The following PTPN5 variants were observed in gnomAD, a reference collection of about 807,000 sequenced individuals.
The protein encoded by PTPN5 is protein tyrosine phosphatase non-receptor type 5.
Under a neutral mutation model 73.9 loss-of-function variants are expected in PTPN5, and 29 were observed. The ratio of observed to expected loss-of-function variants is 0.39; its 90% CI spans 0.29 to 0.54. PTPN5 has a LOEUF of 0.54. Among genes scored for constraint, PTPN5 ranks in the 20% least tolerant of loss-of-function variants. The pLI, the probability that PTPN5 is intolerant of heterozygous loss-of-function variation, is 0.65. For synonymous variants in PTPN5, 267 were observed against 304.7 expected, an observed-to-expected ratio of 0.88 and a Z score of 1.29; for missense variants, 652 against 751.4, an observed-to-expected ratio of 0.87 and a Z score of 1.55.
chr11:18,771,804 C>T (rs925139791), intron 2 of PTPN5, 135 bp downstream of exon 2: 20 of 741,558 alleles, frequency 2.7e-5, no homozygotes, highest in Non-Finnish European at 2.5e-5. Flanking sequence ...AGAGGGCATG[C>T]TGGTTTCATG....
At chr11:18,738,972 CAAA>C (rs375555659) in intron 8 of PTPN5, among the ~76,000 whole-genome samples, 9 of 70,048 alleles carry the variant, frequency 1.3e-4, no homozygotes, top group Admixed American at 1.6e-4. Flanking sequence ...AACCCTGTCT[CAAA>C]AAAAAAAAAA....
chr11:18,755,946 G>A (rs1212456639), intron 3 of PTPN5, among the ~76,000 whole-genome samples: 2 of 149,902 alleles, frequency 1.3e-5, no homozygotes, highest in African/African-American at 4.9e-5. Context: ...GGAGGTTGCA[G>A]TGAGCCGAGA....
Position 18,729,953 on chromosome 11 carries a change from A to G in PTPN5, c.1330-135T>C, listed in dbSNP as rs757258794. 3 of 1,201,290 alleles carry G rather than the reference A, an allele frequency of 2.5e-6. No individual in the cohort carries two copies. The highest frequency in any genetic ancestry group is 1.3e-5 in the South Asian group (1 of 74,806). 74.4% of individuals were successfully genotyped at this position (1,201,290 alleles called of 1,614,324 possible). ...GAGAGTGGGACCCCTTCACCCTTCC[A>G]TCTAGGCCACATTGCCCAGTGGCAC... On this transcript the variant is annotated intron_variant, in intron 12 of 14. Transcript: ENST00000358540. This position sits in a 1 kb window ranked among gnomAD's most constrained non-coding sequence, Gnocchi z 5.2.
At position 18,728,978 on chromosome 11, in the gene PTPN5, T is replaced by C. The variant is rs774538986; in HGVS notation, c.1654A>G (p.Met552Val). ...CEQYQFVHHV[M>V]SLYEKQLSHQ... ...GACAGCTGCTTTTCGTAGAGGCTCA[T>C]GACGTGGTGCACAAACTGGTACTGC... is the stretch of plus-strand genomic sequence containing the variant. The change falls in exon 15 of 15, where the codon ATG becomes GTG. Residue 552 changes from methionine to valine, a missense_variant. Transcript: ENST00000358540. This position sits in a 1 kb window ranked among gnomAD's most constrained non-coding sequence, Gnocchi z 4.1. 6 of 1,613,726 alleles carry C rather than the reference T, an allele frequency of 3.7e-6. No individual in the cohort carries two copies. In the South Asian group the frequency reaches 6.6e-5, roughly 18 times the overall value.
At chr11:18,751,889 A>T (rs74468661) in intron 3 of PTPN5, among the ~76,000 whole-genome samples, 4,509 of 152,196 alleles carry the variant, frequency 0.03, 123 homozygotes, top group South Asian at 0.1. Flanking sequence ...GCCCTGATGG[A>T]GTGAAGGTGG....
At chr11:18,782,600 C>T (rs896123079) in intron 1 of PTPN5, among the ~76,000 whole-genome samples, 1 of 152,176 alleles carries the variant, frequency 6.6e-6, no homozygotes, top group Non-Finnish European at 1.5e-5. Flanking sequence ...TAGGAACAGA[C>T]AAAATCCATC....
chr11:18,790,010 T>C (rs1851842526), intron 1 of PTPN5, among the ~76,000 whole-genome samples: 1 of 151,986 alleles, frequency 6.6e-6, no homozygotes, highest in Admixed American at 6.5e-5. Flanking sequence ...CTGCCCTCCT[T>C]GCCAACTATT....
At chr11:18,780,605 T>A (rs181957610) in intron 1 of PTPN5, among the ~76,000 whole-genome samples, 1 of 152,284 alleles carries the variant, frequency 6.6e-6, no homozygotes, top group Non-Finnish European at 1.5e-5. Context: ...ACCTCCCTAG[T>A]GAGTCTAGGG....
At chr11:18,746,162 A>AATATATATATATATATATATATATAT (rs773490900) in intron 3 of PTPN5, among the ~76,000 whole-genome samples, 3 of 67,670 alleles carry the variant, frequency 4.4e-5, no homozygotes, top group Non-Finnish European at 6.1e-5. Context: ...TATAAATATA[A>AATATATATATATATATATATATATAT]ATATATATAT....
At chr11:18,788,939 A>G (rs115570043) in intron 1 of PTPN5, among the ~76,000 whole-genome samples, 123 of 152,346 alleles carry the variant, frequency 8.1e-4, no homozygotes, top group African/African-American at 2.6e-3. Context: ...CTACATACAA[A>G]TTAATTATGA....
chr11:18,750,972 T>G (rs1455390789), intron 3 of PTPN5, among the ~76,000 whole-genome samples: 1 of 152,178 alleles, frequency 6.6e-6, no homozygotes. Flanking sequence ...ACCTGGCCTA[T>G]TTTGAGGTTT....
chr11:18,763,030 T>C (rs1407783390), intron 3 of PTPN5, among the ~76,000 whole-genome samples: 1 of 152,196 alleles, frequency 6.6e-6, no homozygotes, highest in African/African-American at 2.4e-5. Flanking sequence ...ATGCTGGACA[T>C]GGAGGATGCA....
chr11:18,770,051 G>A (rs1590591993), intron 2 of PTPN5, among the ~76,000 whole-genome samples: 1 of 152,246 alleles, frequency 6.6e-6, no homozygotes, highest in Non-Finnish European at 1.5e-5. Flanking sequence ...ACGAAGTGGG[G>A]GAGCAGCAGC....
chr11:18,780,539 G>C (rs1177690534), intron 1 of PTPN5, among the ~76,000 whole-genome samples: 1 of 152,034 alleles, frequency 6.6e-6, no homozygotes, highest in African/African-American at 2.4e-5. Context: ...CCTCCTCTTT[G>C]TGCTGTGGTT....
chr11:18,781,323 C>CATTTTTTTTTTTT, intron 1 of PTPN5, among the ~76,000 whole-genome samples: 1 of 114,426 alleles, frequency 8.7e-6, no homozygotes. Context: ...TTTTTGACCA[C>CATTTTTTTTTTTT]TTTTTTTTTT....
At position 18,733,577 on chromosome 11, in the gene PTPN5, G is replaced by A. The variant is rs1356903046; in HGVS notation, c.1059C>T (p.Tyr353=). Reference sequence around the variant, plus strand: ...GTACCCGGATGTAGTTGGCATTGATGTAGGAACTCAGAGGGTCGTCAGGGT... The same window carrying A: ...GTACCCGGATGTAGTTGGCATTGATATAGGAACTCAGAGGGTCGTCAGGGT... ...SPDPDDPLSS[Y]INANYIRGYG... is the part of the protein sequence containing the mutation. Residue 353 remains tyrosine (Y), a synonymous_variant, in exon 10 of 15, where the codon TAC becomes TAT. Transcript: ENST00000358540. The surrounding 1 kb of genome is among the most constrained non-coding windows in gnomAD (Gnocchi z 4.3). 6.2e-7 allele frequency: 1 copy of A among 1,614,258 alleles called. No homozygotes were observed. Among genetic ancestry groups the A allele is most frequent in the South Asian group, 1.1e-5 (1 of 91,088 alleles).
intron 1 of PTPN5, among the ~76,000 whole-genome samples, chr11:18,788,105 G>C (rs1590632444): frequency 6.6e-6 from 1 of 152,228 alleles, no homozygotes. Context: ...CCTCCTGTTA[G>C]TGCCTACATC....
chr11:18,742,113 A>G lies in PTPN5; in HGVS notation c.725+149T>C, dbSNP rs1032097812. On this transcript the variant is annotated intron_variant, in intron 7 of 14. Transcript: ENST00000358540. This position sits in a 1 kb window ranked among gnomAD's most constrained non-coding sequence, Gnocchi z 4.1. Reference sequence around the variant, plus strand: ...TCTTGGGGCACTTTGATCTCTATGAATGACCTGGATAGCACATGTCTACAC... The same window carrying G: ...TCTTGGGGCACTTTGATCTCTATGAGTGACCTGGATAGCACATGTCTACAC... 17 of 1,079,356 alleles carry G rather than the reference A, an allele frequency of 1.6e-5. No individual in the cohort carries two copies. The highest frequency in any genetic ancestry group is 4.4e-5 in the Admixed American group (2 of 45,168). 66.9% of individuals were successfully genotyped at this position (1,079,356 alleles called of 1,614,324 possible). A position where few individuals can be genotyped will look rare whatever the true frequency, so the allele number is the denominator to read the frequency against.
rs542346263 is a variant in PTPN5 at position 18,767,456 on chromosome 11, C to T, written c.21-1573G>A. 9.8e-5 allele frequency among the ~76,000 whole-genome samples: 15 copies of T among 152,336 alleles called. No individual in the cohort carries two copies. The South Asian group carries it at 2.7e-3, about 27-fold the overall frequency. ...TTTAAATGTCTCTGGAGTCCCTCCA[C>T]ATTTCTCCCTCCCCATCTTGGTCCC... On this transcript the variant is annotated intron_variant, in intron 2 of 14. Coordinates refer to ENST00000358540, the MANE Select transcript of PTPN5 (RefSeq NM_006906.2).
Sources: allele counts gnomAD v4.1 joint callset (sites outside exome capture counted in the v4.1 genomes callset), GRCh38; gene constraint gnomAD v4.1.1; non-coding constraint Gnocchi (gnomAD v3.1); transcripts MANE v1.5; gene names NCBI Gene and HGNC (gene_info 2026-07-23, HGNC 2026-07-21).